The following DCAF1 variants were observed in gnomAD, a reference collection of about 807,000 sequenced individuals.
The protein encoded by DCAF1 is DDB1- and CUL4-associated factor 1.
Under a neutral mutation model 128.0 loss-of-function variants are expected in DCAF1, and 15 were observed. The observed-to-expected ratio is 0.12, with a 90% confidence interval of 0.08 to 0.18. The LOEUF is 0.18. DCAF1 is among the 10% of genes least tolerant of loss of function. DCAF1 has a pLI of 1.00. For missense variants in DCAF1, 988 were observed against 1,649.5 expected (o/e 0.60, Z 6.95); for synonymous variants, 610 against 603.0 (o/e 1.01, Z -0.17).
rs143743603 is a variant in DCAF1, at chr3:51,399,426, T to C, written c.4466-599A>G. ...ATATTCCCAAAAAGGTGCAGGCCAA[T>C]TTGCAGCAATACAAGAGAAGTAGCT... On this transcript the variant is annotated intron_variant, in intron 24 of 24. Coordinates refer to ENST00000684031, the MANE Select transcript of DCAF1 (RefSeq NM_001387579.1). Among the ~76,000 whole-genome samples, 20 of 152,148 alleles carry C rather than the reference T, an allele frequency of 1.3e-4. No homozygotes were observed. The East Asian group carries it at 3.5e-3, about 27-fold the overall frequency.
chr3:51,483,644 T>TGC, intron 3 of DCAF1, 75 bp downstream of exon 3: 1 of 936,944 alleles, frequency 1.1e-6, no homozygotes, highest in Non-Finnish European at 1.8e-6. Context: ...TGTGTGTGTG[T>TGC]GTATGAAGAA....
intron 2 of DCAF1, among the ~76,000 whole-genome samples, chr3:51,493,520 A>T (rs571984610): frequency 6.6e-6 from 1 of 152,194 alleles, no homozygotes; most frequent in African/African-American, 2.4e-5. Context: ...CAATAGCCAA[A>T]AAGTAGAAAC....
intron 3 of DCAF1, among the ~76,000 whole-genome samples, chr3:51,481,343 C>G (rs975249314): frequency 6.6e-6 from 1 of 152,164 alleles, no homozygotes; most frequent in South Asian, 2.1e-4. Flanking sequence ...AGAGGGTAAA[C>G]TGGAGGGTAA....
At chr3:51,479,832 A>G (rs1278794069) in intron 3 of DCAF1, among the ~76,000 whole-genome samples, 3 of 152,020 alleles carry the variant, frequency 2.0e-5, no homozygotes, top group African/African-American at 4.8e-5. Context: ...TTATAGTACA[A>G]TGTGGTATAA....
intron 24 of DCAF1, 45 bp downstream of exon 24, chr3:51,403,098 T>C: frequency 6.4e-7 from 1 of 1,562,146 alleles, no homozygotes; most frequent in Non-Finnish European, 8.7e-7. Context: ...GAAGGGATCT[T>C]GCCCTGGGTG....
chr3:51,472,744 A>C (rs1704904503), intron 3 of DCAF1, among the ~76,000 whole-genome samples: 1 of 150,946 alleles, frequency 6.6e-6, no homozygotes, highest in Non-Finnish European at 1.5e-5. Context: ...AGCTCACCAC[A>C]ACCTCCGCCT....
intron 16 of DCAF1, 50 bp from the exon 17 acceptor site, chr3:51,418,248 G>C: frequency 6.4e-7 from 1 of 1,562,474 alleles, no homozygotes; most frequent in Non-Finnish European, 8.7e-7. Context: ...CATACATGCA[G>C]ATGTCACTAC....
Position 51,460,697 on chromosome 3 carries a change from T to C in DCAF1, c.375+2417A>G, listed in dbSNP as rs539645796. 5.0e-3 allele frequency among the ~76,000 whole-genome samples: 758 copies of C among 152,282 alleles called. 3 individuals carry two copies. The highest frequency in any genetic ancestry group is 7.9e-3 in the Non-Finnish European group (535 of 68,026). On this transcript the variant is annotated intron_variant, in intron 6 of 24. Transcript: ENST00000684031. ...TACAGTAACCAAAACAGCATGGTACTGGTACCAAAACAGATATATAGACCA... is the reference window on the plus strand; with the variant it reads ...TACAGTAACCAAAACAGCATGGTACCGGTACCAAAACAGATATATAGACCA...
At chr3:51,427,918 C>A (rs1320808706) in intron 12 of DCAF1, among the ~76,000 whole-genome samples, 1 of 152,152 alleles carries the variant, frequency 6.6e-6, no homozygotes, top group African/African-American at 2.4e-5. Context: ...CCCACCTCAG[C>A]CTCCTCAAGT....
intron 9 of DCAF1, among the ~76,000 whole-genome samples, chr3:51,438,525 C>T (rs1701064667): frequency 6.6e-6 from 1 of 152,164 alleles, no homozygotes; most frequent in Non-Finnish European, 1.5e-5. Context: ...CAATTATTTT[C>T]AAAGCAACTG....
chr3:51,483,301 A>T (rs1333250452), intron 3 of DCAF1, among the ~76,000 whole-genome samples: 4 of 150,010 alleles, frequency 2.7e-5, no homozygotes, highest in Admixed American at 1.3e-4. Flanking sequence ...GTAGCCGGGC[A>T]TGGTGGTGGG....
intron 3 of DCAF1, among the ~76,000 whole-genome samples, chr3:51,477,722 T>C (rs1235602989): frequency 6.6e-6 from 1 of 152,200 alleles, no homozygotes; most frequent in Non-Finnish European, 1.5e-5. Flanking sequence ...CATTTAATGA[T>C]GTATCTTTCA....
At chr3:51,470,855 A>T in intron 4 of DCAF1, 74 bp downstream of exon 4, 1 of 1,137,942 alleles carries the variant, frequency 8.8e-7, no homozygotes, top group Non-Finnish European at 1.2e-6. Flanking sequence ...AGAAAAGAAA[A>T]AAAAGACCCT....
Position 51,412,381 on chromosome 3 carries a change from G to C in DCAF1, c.4210C>G (p.Gln1404Glu). 1 of 1,613,824 alleles carries C rather than the reference G, an allele frequency of 6.2e-7. No homozygotes were observed. Among genetic ancestry groups the C allele is most frequent in the Non-Finnish European group, 8.5e-7 (1 of 1,179,828 alleles). Residue 1404 changes from glutamine to glutamate, a missense_variant and splice_region_variant, in exon 23 of 25, where the codon CAG (glutamine) becomes GAG (glutamate). Physicochemically the swap from Gln to Glu is conservative, Grantham distance 29 (BLOSUM62 2). This residue lies in a region of DCAF1 where 97 missense variants were observed against 134.5 expected (regional missense o/e 0.72). Transcript: ENST00000684031. Reference protein sequence around the residue: ...LAEDEDEEEDQEEEEQEEEDD... With the variant: ...LAEDEDEEEDEEEEEQEEEDD... ...AAGAAATCTCAAAGACCACTGACCT[G>C]GTCCTCCTCTTCATCCTCATCCTCT...
intron 4 of DCAF1, among the ~76,000 whole-genome samples, chr3:51,468,684 C>A (rs1381978234): frequency 6.6e-6 from 1 of 151,858 alleles, no homozygotes; most frequent in East Asian, 1.9e-4. Context: ...AAACAAGGAC[C>A]GTAGTTACCT....
At chr3:51,483,428 A>C (rs1195833718) in intron 3 of DCAF1, among the ~76,000 whole-genome samples, 5 of 151,996 alleles carry the variant, frequency 3.3e-5, no homozygotes, top group Non-Finnish European at 7.4e-5. Context: ...CAACAAAGCA[A>C]AACTCTGACT....
In DCAF1 at chr3:51,463,157, T is replaced by C. The variant is rs1553645223; in HGVS notation, c.332A>G (p.Asp111Gly). ...AGCAGTTTCCAGCCCTGGCATGATG[T>C]CTAATAGGAGTCTGCAAGCTGCAGT... ...LNTAACRLLL[D>G]IMPGLETAVV... The change falls in exon 6 of 25, where the codon GAC (aspartate) becomes GGC (glycine). Residue 111 changes from aspartate to glycine, a missense_variant. Physicochemically the swap from Asp to Gly is moderately conservative, Grantham distance 94. Around this residue, in one of 11 missense-constraint regions of DCAF1, gnomAD observed 210 missense variants for 260.2 expected, o/e 0.81. Coordinates refer to ENST00000684031, the MANE Select transcript of DCAF1 (RefSeq NM_001387579.1). The C allele has an allele frequency of 6.3e-7, 1 of 1,597,366 alleles. No homozygotes were observed. Among genetic ancestry groups the C allele is most frequent in the Admixed American group, 1.7e-5 (1 of 57,932 alleles).
chr3:51,405,950 C>T (rs1553626445), intron 23 of DCAF1, among the ~76,000 whole-genome samples: 1 of 152,190 alleles, frequency 6.6e-6, no homozygotes, highest in Non-Finnish European at 1.5e-5. Context: ...AGGAGGATCA[C>T]TTGAACCCAG....
At position 51,441,134 on chromosome 3, in the gene DCAF1, A is replaced by G. The variant is rs1220328652; in HGVS notation, c.1027-63T>C. On this transcript the variant is annotated intron_variant, in intron 8 of 24. Transcript: ENST00000684031. ...TTTATTGTCATGTATTTCCTATTCC[A>G]CTCTTTGAGGATAGAAGCCTAAAGA... is the stretch of plus-strand genomic sequence containing the variant. 6 of 1,437,032 alleles carry G rather than the reference A, an allele frequency of 4.2e-6. No individual in the cohort carries two copies. In the African/African-American group the frequency reaches 7.1e-5, roughly 17 times the overall value. 89.0% of individuals were successfully genotyped at this position (1,437,032 alleles called of 1,614,324 possible).
Sources: allele counts gnomAD v4.1 joint callset (sites outside exome capture counted in the v4.1 genomes callset), GRCh38; gene constraint gnomAD v4.1.1; regional missense constraint gnomAD v4.1.1; transcripts MANE v1.5; gene names NCBI Gene and HGNC (gene_info 2026-07-23, HGNC 2026-07-21).